SEC24B: variants seen among roughly 807,000 people sequenced by gnomAD.
SEC24B encodes the protein protein transport protein Sec24B.
In SEC24B, 45 loss-of-function variants were observed where a neutral mutation model predicts 142.8. The ratio of observed to expected loss-of-function variants is 0.32; its 90% CI spans 0.25 to 0.40. SEC24B has a LOEUF of 0.40. Ranked by LOEUF, SEC24B falls within the 10% of genes least tolerant of loss-of-function variation. The probability of loss-of-function intolerance (pLI) is 1.00; values close to 1 mark genes in which losing one functional copy is unlikely to be tolerated. For missense variants in SEC24B, 1,409 were observed against 1,526.8 expected (o/e 0.92, Z 1.29); for synonymous variants, 574 against 568.2 (o/e 1.01, Z -0.15).
intron 11 of SEC24B, among the ~76,000 whole-genome samples, chr4:109,518,365 G>C (rs1258640212): frequency 1.3e-5 from 2 of 152,172 alleles, no homozygotes; most frequent in Non-Finnish European, 2.9e-5. Flanking sequence ...TGTGGCTTCA[G>C]GTTGTTAGTG....
chr4:109,531,338 C>T (rs776211457), intron 19 of SEC24B, 47 bp from the exon 20 acceptor site: 9 of 1,499,006 alleles, frequency 6.0e-6, no homozygotes, highest in South Asian at 4.8e-5. Flanking sequence ...AATATTTGTC[C>T]ACCATATTTG....
Position 109,533,705 on chromosome 4 carries a change from C to G in SEC24B, c.3588+20C>G, listed in dbSNP as rs34133579. 137,927 of 1,363,744 alleles carry G rather than the reference C, an allele frequency of 0.1. 8,201 individuals carry two copies. The highest frequency in any genetic ancestry group is 0.15 in the Middle Eastern group (846 of 5,618). 84.5% of individuals were successfully genotyped at this position (1,363,744 alleles called of 1,614,324 possible). A position where few individuals can be genotyped will look rare whatever the true frequency, so the allele number is the denominator to read the frequency against. ...AAAATGGTCAGTAGATTTTATACAC[C>G]TTTAACTTTTTGTTTGCTCATTTTT... On this transcript the variant is annotated intron_variant, in intron 22 of 23. Transcript: ENST00000265175.
At chr4:109,501,865 G>T (rs1019679119) in intron 6 of SEC24B, among the ~76,000 whole-genome samples, 1 of 152,230 alleles carries the variant, frequency 6.6e-6, no homozygotes, top group East Asian at 1.9e-4. Context: ...CTGAGAATAC[G>T]AGAGGAGGCT....
At chr4:109,497,308 C>CA (rs1735635863) in intron 6 of SEC24B, among the ~76,000 whole-genome samples, 1 of 152,040 alleles carries the variant, frequency 6.6e-6, no homozygotes, top group South Asian at 2.1e-4. Flanking sequence ...TTAGAAAAGT[C>CA]AAAAAATTAC....
intron 2 of SEC24B, among the ~76,000 whole-genome samples, chr4:109,469,849 A>G (rs911112195): frequency 1.3e-5 from 2 of 152,244 alleles, no homozygotes; most frequent in African/African-American, 4.8e-5. Context: ...TGAAAAAAAG[A>G]AAAACATAAG....
At chr4:109,535,801 G>A (rs939538721) in intron 22 of SEC24B, among the ~76,000 whole-genome samples, 18 of 151,414 alleles carry the variant, frequency 1.2e-4, no homozygotes, top group South Asian at 2.1e-4. Flanking sequence ...GCAGTGAGCC[G>A]AGATCACGCC....
intron 1 of SEC24B, among the ~76,000 whole-genome samples, chr4:109,458,209 T>A (rs1165377702): frequency 6.6e-6 from 1 of 152,208 alleles, no homozygotes; most frequent in African/African-American, 2.4e-5. Flanking sequence ...TTTAGCATAT[T>A]TATTTGTTTT....
Position 109,526,286 on chromosome 4 carries a change from T to A in SEC24B, c.2852T>A (p.Leu951His). 6.2e-7 allele frequency: 1 copy of A among 1,614,054 alleles called. No homozygotes were observed. The highest frequency in any genetic ancestry group is 8.5e-7 in the Non-Finnish European group (1 of 1,179,954). ...FFVRSTDLLS[L>H]ANINPDAGFA... ...GTCCGTTCTACTGATTTGTTATCCC[T>A]TGCCAACATCAATCCTGATGCTGGA... Residue 951 changes from leucine (L) to histidine (H), a missense_variant, in exon 17 of 24, where the codon CTT (leucine) becomes CAT (histidine). Around this residue, in one of 2 missense-constraint regions of SEC24B, gnomAD observed 700 missense variants for 853.3 expected, o/e 0.82. Transcript: ENST00000265175.
At chr4:109,534,035 A>G (rs936673073) in intron 22 of SEC24B, among the ~76,000 whole-genome samples, 2 of 151,196 alleles carry the variant, frequency 1.3e-5, no homozygotes, top group Non-Finnish European at 2.9e-5. Flanking sequence ...GTTGTAGCTT[A>G]TATTAGTAGT....
At chr4:109,524,247 T>G (rs553676160) in intron 14 of SEC24B, among the ~76,000 whole-genome samples, 1 of 152,292 alleles carries the variant, frequency 6.6e-6, no homozygotes, top group African/African-American at 2.4e-5. Context: ...ATTCCTTATA[T>G]TAGAGTAAGC....
chr4:109,537,002 A>G (rs1725623997), intron 22 of SEC24B, among the ~76,000 whole-genome samples: 1 of 152,148 alleles, frequency 6.6e-6, no homozygotes, highest in South Asian at 2.1e-4. Context: ...GTAACTCATA[A>G]GACTGAAAAG....
At position 109,526,330 on chromosome 4, in the gene SEC24B, A is replaced by T; in HGVS notation, c.2896A>T (p.Ile966Phe). 1 of 1,613,966 alleles carries T rather than the reference A, an allele frequency of 6.2e-7. No homozygotes were observed. Among genetic ancestry groups the T allele is most frequent in the South Asian group, 1.1e-5 (1 of 91,074 alleles). Residue 966 changes from isoleucine to phenylalanine, a missense_variant, in exon 17 of 24, where the codon ATT (isoleucine) becomes TTT (phenylalanine). Ile to Phe is a conservative substitution (Grantham distance 21). Coordinates refer to ENST00000265175, the MANE Select transcript of SEC24B (RefSeq NM_006323.5). The part of the protein sequence containing the change: ...PDAGFAVQLS[I>F]EESLTDTSLV... ...TGCTGGATTTGCGGTGCAGTTGTCA[A>T]TTGAAGAAAGTTTAACAGATACTTC...
intron 1 of SEC24B, among the ~76,000 whole-genome samples, chr4:109,439,001 T>C (rs112526696): frequency 5.3e-4 from 81 of 151,992 alleles, no homozygotes; most frequent in African/African-American, 1.9e-3. Context: ...TGTTGGGAGG[T>C]GAGGGGATGG....
intron 1 of SEC24B, among the ~76,000 whole-genome samples, chr4:109,448,748 T>C (rs1264208072): frequency 6.6e-6 from 1 of 152,192 alleles, no homozygotes; most frequent in East Asian, 1.9e-4. Flanking sequence ...TCCGAAACTT[T>C]GGTACATTTA....
rs181065597 is a variant in SEC24B at position 109,529,576 on chromosome 4, A to G, written c.3077-713A>G. 1.9e-4 allele frequency among the ~76,000 whole-genome samples: 29 copies of G among 152,340 alleles called. No individual in the cohort carries two copies. The East Asian group carries it at 5.0e-3, about 26-fold the overall frequency. ...TGTTGGCTTGGAATGCTTTACAAAAATTGTAGAGGATCACAAGGTATAATT... is the reference window on the plus strand; with the variant it reads ...TGTTGGCTTGGAATGCTTTACAAAAGTTGTAGAGGATCACAAGGTATAATT... On this transcript the variant is annotated intron_variant, in intron 18 of 23. Coordinates refer to ENST00000265175, the MANE Select transcript of SEC24B (RefSeq NM_006323.5).
chr4:109,439,598 G>T lies in SEC24B; in HGVS notation c.133+5596G>T, dbSNP rs565024766. Among the ~76,000 whole-genome samples the T allele has an allele frequency of 2.9e-5, 4 of 139,766 alleles. No homozygotes were observed. The South Asian group carries it at 9.6e-4, about 33-fold the overall frequency. The allele number at this position is 139,766 out of a possible 152,430, so 91.7% of individuals were successfully genotyped here. A position where few individuals can be genotyped will look rare whatever the true frequency, so the allele number is the denominator to read the frequency against. The stretch of plus-strand genomic sequence containing the variant: ...GCTCACTGCAACCTCCGCCTCCCGG[G>T]TTCAAGCGATTCTCCTGCTCAGCCT... On this transcript the variant is annotated intron_variant, in intron 1 of 23. Coordinates refer to ENST00000265175, the MANE Select transcript of SEC24B (RefSeq NM_006323.5).
intron 5 of SEC24B, among the ~76,000 whole-genome samples, chr4:109,493,659 C>T (rs948137693): frequency 2.7e-5 from 4 of 149,984 alleles, no homozygotes; most frequent in African/African-American, 4.9e-5. Context: ...GACAGAGTCT[C>T]GCCCTGTGGC....
At chr4:109,534,713 A>G (rs1424933910) in intron 22 of SEC24B, among the ~76,000 whole-genome samples, 2 of 152,220 alleles carry the variant, frequency 1.3e-5, no homozygotes, top group South Asian at 4.2e-4. Context: ...TAAAAATGCA[A>G]ACAACAAACT....
intron 5 of SEC24B, among the ~76,000 whole-genome samples, chr4:109,494,382 TGTA>T (rs1228555981): frequency 1.3e-5 from 2 of 152,128 alleles, no homozygotes; most frequent in African/African-American, 4.8e-5. Context: ...AAAAAAAAGA[TGTA>T]GTATGACAAC....
Sources: gnomAD v4.1 joint callset for allele counts (sites outside exome capture counted in the v4.1 genomes callset) on GRCh38, gnomAD v4.1.1 for gene constraint, gnomAD v4.1.1 regional missense constraint, MANE v1.5 for transcripts, NCBI Gene and HGNC (gene_info 2026-07-23, HGNC 2026-07-21) for gene names.